GSE1: variants seen among roughly 807,000 people sequenced by gnomAD.
GSE1 encodes the protein genetic suppressor element 1.
GSE1 carries 32 observed loss-of-function variants against 112.6 expected under a neutral mutation model. That is an observed-to-expected ratio of 0.28 (90% confidence interval 0.21 to 0.38). The LOEUF (loss-of-function observed/expected upper bound fraction) is 0.38, where lower values mean the gene tolerates loss of function less well. GSE1 is among the 10% of genes least tolerant of loss of function. The probability of loss-of-function intolerance (pLI) is 1.00; values close to 1 mark genes in which losing one functional copy is unlikely to be tolerated. For synonymous variants in GSE1, 1,115 were observed against 735.6 expected, an observed-to-expected ratio of 1.52 and a Z score of -8.35; for missense variants, 2,348 against 1,699.2, an observed-to-expected ratio of 1.38 and a Z score of -6.71.
intron 2 of GSE1, among the ~76,000 whole-genome samples, chr16:85,550,568 T>C (rs1223399741): frequency 6.6e-6 from 1 of 151,426 alleles, no homozygotes; most frequent in Non-Finnish European, 1.5e-5. Context: ...GCAGTGCCTC[T>C]CTCCAGAGGG....
intron 2 of GSE1, among the ~76,000 whole-genome samples, chr16:85,461,464 G>A (rs1386267725): frequency 1.3e-5 from 2 of 150,576 alleles, no homozygotes; most frequent in South Asian, 4.1e-4. Flanking sequence ...CTGGGTCCAT[G>A]CCCAGAGGTG....
intron 1 of GSE1, among the ~76,000 whole-genome samples, chr16:85,306,723 A>G (rs1567677241): frequency 6.6e-6 from 1 of 152,148 alleles, no homozygotes; most frequent in Non-Finnish European, 1.5e-5. Context: ...TGTTTCTAGC[A>G]ATTTGAGGCC....
At chr16:85,186,781 A>G (rs142345244) in intron 1 of GSE1, among the ~76,000 whole-genome samples, 1 of 152,176 alleles carries the variant, frequency 6.6e-6, no homozygotes, top group Non-Finnish European at 1.5e-5. Context: ...ACAAAAGACA[A>G]AAAAATCTAA....
chr16:85,615,852 C>G (rs1010887622), intron 1 of GSE1, among the ~76,000 whole-genome samples: 13 of 152,318 alleles, frequency 8.5e-5, no homozygotes, highest in African/African-American at 3.1e-4. Context: ...TGGGGGTTGT[C>G]AGAGCTCCCC....
At chr16:85,175,905 T>C (rs1312556042) in intron 1 of GSE1, among the ~76,000 whole-genome samples, 1 of 152,220 alleles carries the variant, frequency 6.6e-6, no homozygotes, top group African/African-American at 2.4e-5. Flanking sequence ...GTCACTCAGC[T>C]AGTAACCCCA....
chr16:85,468,077 A>T (rs1355181747), intron 2 of GSE1, among the ~76,000 whole-genome samples: 1 of 152,136 alleles, frequency 6.6e-6, no homozygotes, highest in Non-Finnish European at 1.5e-5. Context: ...GCCTCCTCCC[A>T]AGAGCCACAG....
intron 1 of GSE1, among the ~76,000 whole-genome samples, chr16:85,564,129 A>G (rs1035977609): frequency 1.3e-5 from 2 of 152,208 alleles, no homozygotes; most frequent in Non-Finnish European, 2.9e-5. Context: ...AGCTGAGCAC[A>G]GATGGATTGC....
chr16:85,284,135 A>G (rs1280483140), intron 1 of GSE1, among the ~76,000 whole-genome samples: 2 of 152,170 alleles, frequency 1.3e-5, no homozygotes. Context: ...TCAGCTTTCA[A>G]GATGCCCCCG....
intron 1 of GSE1, chr16:85,594,345 C>A (rs1272590079): frequency 1.3e-5 from 2 of 152,216 alleles, no homozygotes; most frequent in African/African-American, 4.8e-5. Context: ...CTTTATTTTC[C>A]ATGCCCCAGG....
At chr16:85,640,182 C>T (rs945920320) in intron 2 of GSE1, among the ~76,000 whole-genome samples, 8 of 152,132 alleles carry the variant, frequency 5.3e-5, no homozygotes, top group East Asian at 3.9e-4. Context: ...AGTCTGAGCC[C>T]GTTCCCACCC....
chr16:85,400,301 C>G (rs571687368), intron 2 of GSE1, among the ~76,000 whole-genome samples: 1 of 146,574 alleles, frequency 6.8e-6, no homozygotes, highest in Non-Finnish European at 1.5e-5. Context: ...GTGTGTGTTT[C>G]TGTGTATGAT....
At chr16:85,191,401 A>G (rs2074817692) in intron 1 of GSE1, among the ~76,000 whole-genome samples, 1 of 152,210 alleles carries the variant, frequency 6.6e-6, no homozygotes, top group Admixed American at 6.5e-5. Context: ...CCGCTGTCTA[A>G]TCTTAGAAAT....
rs1432058280 is a variant in GSE1, at chr16:85,410,040, C to T, written c.2464+52397C>T. Among the ~76,000 whole-genome samples the T allele has an allele frequency of 2.4e-3, 55 of 22,786 alleles. 9 individuals are homozygous for T. The highest frequency in any genetic ancestry group is 3.4e-3 in the Non-Finnish European group (45 of 13,102). 14.9% of individuals were successfully genotyped at this position (22,786 alleles called of 152,430 possible). ...CTCACTGTTACACTCAGGGCCCCCC[C>T]CGGATAATCCTCACTGTTACACTCA... On this transcript the variant is annotated intron_variant, in intron 2 of 2. Coordinates refer to the GSE1 transcript ENST00000637419.
intron 2 of GSE1, among the ~76,000 whole-genome samples, chr16:85,371,833 G>A (rs533916448): frequency 3.2e-4 from 49 of 152,320 alleles, no homozygotes; most frequent in Admixed American, 1.2e-3. Context: ...CAGTAGTCCC[G>A]GATGGTGCCA....
chr16:85,502,721 A>G (rs1238202841), intron 2 of GSE1, among the ~76,000 whole-genome samples: 1 of 152,214 alleles, frequency 6.6e-6, no homozygotes, highest in Middle Eastern at 3.2e-3. Context: ...GTCAAGTTCA[A>G]GGAGTGAGCT....
At chr16:85,652,568 C>T (rs959450429) in intron 3 of GSE1, among the ~76,000 whole-genome samples, 21 of 144,386 alleles carry the variant, frequency 1.5e-4, no homozygotes, top group Middle Eastern at 3.5e-3. Flanking sequence ...GGCGGCGGCT[C>T]CTCCAGTTAA....
At chr16:85,333,517 G>C (rs936168737) in intron 1 of GSE1, among the ~76,000 whole-genome samples, 4 of 152,228 alleles carry the variant, frequency 2.6e-5, no homozygotes, top group East Asian at 1.9e-4. Flanking sequence ...TTAGGGCTTG[G>C]GGGGCCTGGG....
intron 1 of GSE1, among the ~76,000 whole-genome samples, chr16:85,190,983 A>G (rs2074807879): frequency 6.6e-6 from 1 of 152,236 alleles, no homozygotes; most frequent in Admixed American, 6.5e-5. Context: ...TTAGAATTAC[A>G]GAGTCTTGCT....
chr16:85,573,160 G>A (rs113612178), intron 1 of GSE1, among the ~76,000 whole-genome samples: 90 of 152,260 alleles, frequency 5.9e-4, no homozygotes, highest in African/African-American at 2.1e-3. Context: ...CACTGCGCCC[G>A]GCCCATCCCT....
Sources: allele counts gnomAD v4.1 joint callset (sites outside exome capture counted in the v4.1 genomes callset), GRCh38; gene constraint gnomAD v4.1.1; transcripts MANE v1.5; gene names NCBI Gene and HGNC (gene_info 2026-07-23, HGNC 2026-07-21).